KHDRBS3: variants seen among roughly 807,000 people sequenced by gnomAD.
KHDRBS3 encodes the protein KH domain-containing, RNA-binding, signal transduction-associated protein 3.
In KHDRBS3, 23 loss-of-function variants were observed where a neutral mutation model predicts 45.6. The observed-to-expected ratio is 0.50, with a 90% CI of 0.36 to 0.72. KHDRBS3 has a LOEUF of 0.72. Ranked by LOEUF, KHDRBS3 falls within the 30% of genes least tolerant of loss-of-function variation. The pLI is 0.00. For synonymous variants in KHDRBS3, 162 were observed against 156.5 expected (o/e 1.04, Z -0.26); for missense variants, 352 against 424.8 (o/e 0.83, Z 1.51).
chr8:135,568,534 A>G (rs1180342110), intron 5 of KHDRBS3, among the ~76,000 whole-genome samples: 1 of 152,220 alleles, frequency 6.6e-6, no homozygotes, highest in Non-Finnish European at 1.5e-5. Flanking sequence ...ATCGAGAATA[A>G]TGCATTATAA....
chr8:135,560,406 A>T (rs1319447476), intron 5 of KHDRBS3, among the ~76,000 whole-genome samples: 1 of 152,116 alleles, frequency 6.6e-6, no homozygotes, highest in East Asian at 1.9e-4. Flanking sequence ...TTAAGATTAA[A>T]TTACTCTTAC....
intron 3 of KHDRBS3, among the ~76,000 whole-genome samples, chr8:135,546,483 G>T (rs1231074175): frequency 4.6e-5 from 7 of 152,168 alleles, no homozygotes; most frequent in Admixed American, 4.6e-4. Context: ...GCTCCGGTCT[G>T]TTGAGCTTTC....
At chr8:135,614,850 C>A (rs1350189292) in intron 7 of KHDRBS3, among the ~76,000 whole-genome samples, 1 of 151,852 alleles carries the variant, frequency 6.6e-6, no homozygotes, top group Non-Finnish European at 1.5e-5. Context: ...GATACGTGGA[C>A]CACTGCACTG....
At chr8:135,473,322 G>A (rs1263940903) in intron 1 of KHDRBS3, among the ~76,000 whole-genome samples, 1 of 152,086 alleles carries the variant, frequency 6.6e-6, no homozygotes, top group East Asian at 1.9e-4. Context: ...CGCGCTTTGT[G>A]GCTTCCCATC....
chr8:135,460,790 C>A (rs890780931), intron 1 of KHDRBS3, among the ~76,000 whole-genome samples: 3 of 152,144 alleles, frequency 2.0e-5, no homozygotes, highest in African/African-American at 7.2e-5. Flanking sequence ...TGAATTAAAG[C>A]CCTCCTGTGA....
chr8:135,481,709 CGTT>C (rs1352966622), intron 1 of KHDRBS3, among the ~76,000 whole-genome samples: 3 of 152,140 alleles, frequency 2.0e-5, no homozygotes, highest in African/African-American at 7.2e-5. Context: ...CGTCGACTAA[CGTT>C]GTCAAATTGA....
chr8:135,489,933 T>G (rs1823057685), intron 1 of KHDRBS3, among the ~76,000 whole-genome samples: 4 of 152,294 alleles, frequency 2.6e-5, no homozygotes, highest in Admixed American at 2.0e-4. Flanking sequence ...GTAAGTGCCT[T>G]ATACAGGTGT....
chr8:135,511,699 G>C (rs1275564834), intron 1 of KHDRBS3, among the ~76,000 whole-genome samples: 1 of 152,022 alleles, frequency 6.6e-6, no homozygotes, highest in African/African-American at 2.4e-5. Flanking sequence ...GGGACTACAG[G>C]TGCCTGCCAC....
chr8:135,527,865 T>C (rs1029225254), intron 2 of KHDRBS3, among the ~76,000 whole-genome samples: 3 of 152,146 alleles, frequency 2.0e-5, no homozygotes, highest in Non-Finnish European at 4.4e-5. Flanking sequence ...GGAGTATAGG[T>C]TTTCGTGATA....
At chr8:135,617,984 C>T (rs760538964) in intron 7 of KHDRBS3, among the ~76,000 whole-genome samples, 3 of 152,132 alleles carry the variant, frequency 2.0e-5, no homozygotes, top group African/African-American at 7.2e-5. Flanking sequence ...TGGAGAATGT[C>T]GGTGCCTGAA....
At chr8:135,555,803 A>G (rs773078464) in intron 4 of KHDRBS3, among the ~76,000 whole-genome samples, 8 of 152,110 alleles carry the variant, frequency 5.3e-5, no homozygotes, top group Non-Finnish European at 1.0e-4. Context: ...GTTTTGTTAC[A>G]TAGGTATACA....
chr8:135,573,029 C>T (rs946625624), intron 5 of KHDRBS3, among the ~76,000 whole-genome samples: 2 of 152,178 alleles, frequency 1.3e-5, no homozygotes, highest in South Asian at 4.1e-4. Flanking sequence ...TGTATCAGGA[C>T]ACAGACCTCA....
At chr8:135,519,602 C>G (rs1020404051) in intron 1 of KHDRBS3, among the ~76,000 whole-genome samples, 1 of 152,142 alleles carries the variant, frequency 6.6e-6, no homozygotes, top group Admixed American at 6.5e-5. Context: ...AGAACCAAAT[C>G]GTTGGATATT....
At chr8:135,556,013 G>T (rs1826866716) in intron 4 of KHDRBS3, among the ~76,000 whole-genome samples, 2 of 152,154 alleles carry the variant, frequency 1.3e-5, no homozygotes, top group African/African-American at 4.8e-5. Flanking sequence ...GTGATAGTTT[G>T]CTGAGAATGA....
At chr8:135,606,705 G>A (rs772777289) in intron 6 of KHDRBS3, among the ~76,000 whole-genome samples, 12 of 152,226 alleles carry the variant, frequency 7.9e-5, no homozygotes, top group Admixed American at 2.6e-4. Context: ...CTAGAGCTCT[G>A]CAATCTTTTG....
chr8:135,475,701 A>T (rs570354649), intron 1 of KHDRBS3, among the ~76,000 whole-genome samples: 13 of 152,140 alleles, frequency 8.5e-5, no homozygotes, highest in Non-Finnish European at 1.9e-4. Flanking sequence ...ATTAATAATA[A>T]TGATCTGTGA....
Position 135,485,253 on chromosome 8 carries a change from A to G in KHDRBS3, c.88+27299A>G, listed in dbSNP as rs145411983. The stretch of plus-strand genomic sequence containing the variant: ...GTGACTGACATGAAGGAGACATTCA[A>G]TGAAAGATATTGAATGAATGAATAT... On this transcript the variant is annotated intron_variant, in intron 1 of 8. Transcript: ENST00000355849. 2.0e-3 allele frequency among the ~76,000 whole-genome samples: 310 copies of G among 152,362 alleles called. 2 individuals are homozygous for G. The highest frequency in any genetic ancestry group is 6.9e-3 in the African/African-American group (288 of 41,590).
Position 135,530,059 on chromosome 8 carries a change from C to CAAAAAAAAAA in KHDRBS3, c.207+8708_207+8717dup, listed in dbSNP as rs11428464. Among the ~76,000 whole-genome samples, 176 of 136,628 alleles carry CAAAAAAAAAA rather than the reference C, an allele frequency of 1.3e-3. 1 individual carries two copies. Among genetic ancestry groups the CAAAAAAAAAA allele is most frequent in the African/African-American group, 4.4e-3 (151 of 34,390 alleles). The allele number at this position is 136,628 out of a possible 152,430, so 89.6% of individuals were successfully genotyped here. The stretch of plus-strand genomic sequence containing the variant: ...GGGGCACAAAGTGAGACTCCCATCT[C>CAAAAAAAAAA]AAAAAAAAAAAAAGAAATTAAAGTC... On this transcript the variant is annotated intron_variant, in intron 2 of 8. Transcript: ENST00000355849.
chr8:135,530,904 C>T (rs1377216664), intron 2 of KHDRBS3, among the ~76,000 whole-genome samples: 1 of 152,166 alleles, frequency 6.6e-6, no homozygotes, highest in Non-Finnish European at 1.5e-5. Flanking sequence ...CACTATCACC[C>T]CTTACCCTAT....
Sources: gnomAD v4.1 joint callset for allele counts (sites outside exome capture counted in the v4.1 genomes callset) on GRCh38, gnomAD v4.1.1 for gene constraint, MANE v1.5 for transcripts, NCBI Gene and HGNC (gene_info 2026-07-23, HGNC 2026-07-21) for gene names.